ZNF891: variants seen among roughly 807,000 people sequenced by gnomAD.
ZNF891 encodes hCG1646157.
For missense variants in ZNF891, 589 were observed against 632.7 expected (o/e 0.93, Z 0.74); for synonymous variants, 199 against 209.0 (o/e 0.95, Z 0.41).
intron 1 of ZNF891, chr12:133,125,401 GC>G (rs1566338435): frequency 6.5e-6 from 1 of 153,504 alleles, no homozygotes; most frequent in African/African-American, 2.4e-5. Flanking sequence ...ATTCAGAGAT[GC>G]ATTCTGAAAT....
In ZNF891 at chr12:133,110,157, T is replaced by C. The variant is rs1031543156; in HGVS notation, c.*10127A>G. On this transcript the variant is annotated 3_prime_UTR_variant, in exon 2 of 2. Coordinates refer to ENST00000537226, the MANE Select transcript of ZNF891 (RefSeq NM_001277291.2). ...AGTTTGTCAACTCTGATATAAATAT[T>C]TACTTTCATAACAATATCTGGTGGA... 6.6e-6 allele frequency: 1 copy of C among 152,236 alleles called. No individual in the cohort carries two copies. The highest frequency in any genetic ancestry group is 1.5e-5 in the Non-Finnish European group (1 of 68,058). 9.4% of individuals were successfully genotyped at this position (152,236 alleles called of 1,614,324 possible).
intron 1 of ZNF891, among the ~76,000 whole-genome samples, chr12:133,123,812 A>T (rs931802808): frequency 1.3e-5 from 2 of 152,064 alleles, no homozygotes; most frequent in Non-Finnish European, 2.9e-5. Context: ...GTAGTAAAAG[A>T]TATTAAGAAT....
chr12:133,106,209 G>A lies in ZNF891; in HGVS notation c.*14075C>T, dbSNP rs151227084. ...TGCATTGAATGTGGGAAGGCATTTC[G>A]CCGTTTCTCACACCTTACTCGACAT... On this transcript the variant is annotated 3_prime_UTR_variant, in exon 2 of 2. Coordinates refer to ENST00000537226, the MANE Select transcript of ZNF891 (RefSeq NM_001277291.2). The A allele has an allele frequency of 8.7e-6, 14 of 1,614,146 alleles. No homozygotes were observed. Among genetic ancestry groups the A allele is most frequent in the South Asian group, 4.4e-5 (4 of 91,080 alleles).
In ZNF891 at chr12:133,109,492, T is replaced by TC; in HGVS notation, c.*10791_*10792insG. Reference sequence around the variant, plus strand: ...GACATATGGTTGAAGCCAGTTCACTTAAATATTCTCAAGTTCACTTAAATA... The same window carrying TC: ...GACATATGGTTGAAGCCAGTTCACTTCAAATATTCTCAAGTTCACTTAAATA... On this transcript the variant is annotated 3_prime_UTR_variant, in exon 2 of 2. Coordinates refer to ENST00000537226, the MANE Select transcript of ZNF891 (RefSeq NM_001277291.2). 1 of 150,194 alleles carries TC rather than the reference T, an allele frequency of 6.7e-6. No homozygotes were observed. The highest frequency in any genetic ancestry group is 2.1e-4 in the South Asian group (1 of 4,826). The allele number at this position is 150,194 out of a possible 1,614,324, so 9.3% of individuals were successfully genotyped here.
rs979051004 is a variant in ZNF891, at chr12:133,118,865, T to C, written c.*1419A>G. On this transcript the variant is annotated 3_prime_UTR_variant, in exon 2 of 2. Coordinates refer to ENST00000537226, the MANE Select transcript of ZNF891 (RefSeq NM_001277291.2). ...CCAACATAAAACATTTAACTGTATA[T>C]ACTTCTGTTTTTCTACAATATGGTG... 1 of 152,184 alleles carries C rather than the reference T, an allele frequency of 6.6e-6. No individual in the cohort carries two copies. Among genetic ancestry groups the C allele is most frequent in the Non-Finnish European group, 1.5e-5 (1 of 68,026 alleles). 9.4% of individuals were successfully genotyped at this position (152,184 alleles called of 1,614,324 possible). A position where few individuals can be genotyped will look rare whatever the true frequency, so the allele number is the denominator to read the frequency against.
rs765762134 is a variant in ZNF891 at position 133,106,044 on chromosome 12, G to T, written c.*14240C>A. 1.5e-5 allele frequency: 24 copies of T among 1,614,072 alleles called. No homozygotes were observed. Among genetic ancestry groups the T allele is most frequent in the Non-Finnish European group, 2.0e-5 (24 of 1,180,012 alleles). On this transcript the variant is annotated 3_prime_UTR_variant, in exon 2 of 2. Coordinates refer to ENST00000537226, the MANE Select transcript of ZNF891 (RefSeq NM_001277291.2). The stretch of plus-strand genomic sequence containing the variant: ...ACTGAGTGTGGAAAGGCCTTTAGCC[G>T]TGCCTCCAACCTCACTCGACATCAA...
rs769081358 is a variant in ZNF891, at chr12:133,119,995, C to T, written c.*289G>A. Reference sequence around the variant, plus strand: ...GGCCAGAAAACAACTTTTATAAAAACACCAACAAAGCAGTAAAATATAGTC... The same window carrying T: ...GGCCAGAAAACAACTTTTATAAAAATACCAACAAAGCAGTAAAATATAGTC... On this transcript the variant is annotated 3_prime_UTR_variant, in exon 2 of 2. Transcript: ENST00000537226. The T allele has an allele frequency of 2.1e-5, 5 of 238,452 alleles. No homozygotes were observed. Among genetic ancestry groups the T allele is most frequent in the African/African-American group, 9.0e-5 (4 of 44,312 alleles). 14.8% of individuals were successfully genotyped at this position (238,452 alleles called of 1,614,324 possible).
chr12:133,105,789 G>C lies in ZNF891; in HGVS notation c.*14495C>G. The stretch of plus-strand genomic sequence containing the variant: ...TGCCATGAATGTGGAAAAACTTTTG[G>C]TCGACGCTTTTCCCTGGTGTTACAC... On this transcript the variant is annotated 3_prime_UTR_variant, in exon 2 of 2. Coordinates refer to ENST00000537226, the MANE Select transcript of ZNF891 (RefSeq NM_001277291.2). The C allele has an allele frequency of 6.2e-7, 1 of 1,614,126 alleles. No homozygotes were observed. Among genetic ancestry groups the C allele is most frequent in the Non-Finnish European group, 8.5e-7 (1 of 1,180,026 alleles).
At chr12:133,122,157 C>T in intron 1 of ZNF891, 133 bp from the exon 2 acceptor site, 2 of 1,261,388 alleles carry the variant, frequency 1.6e-6, no homozygotes, top group Non-Finnish European at 2.0e-6. Context: ...AAAATCTTTA[C>T]TGGGATTTGT....
In ZNF891 at chr12:133,120,554, G is replaced by A. The variant is rs769530515; in HGVS notation, c.1365C>T (p.Thr455=). The A allele has an allele frequency of 1.5e-5, 23 of 1,560,918 alleles. No homozygotes were observed. The highest frequency in any genetic ancestry group is 1.2e-4 in the Admixed American group (6 of 52,064). The part of the protein sequence containing the change: ...SHLKVHKKIH[T]GENVYECSDC... ...CACTGCATTCATAAACATTCTCTCCGGTATGAATTTTCTTATGAACTTTAA... is the reference window on the plus strand; with the variant it reads ...CACTGCATTCATAAACATTCTCTCCAGTATGAATTTTCTTATGAACTTTAA... The change falls in exon 2 of 2, where the codon ACC becomes ACT. Residue 455 remains threonine (T), a synonymous_variant. Coordinates refer to ENST00000537226, the MANE Select transcript of ZNF891 (RefSeq NM_001277291.2).
chr12:133,129,769 A>G (rs1417756391), intron 1 of ZNF891, among the ~76,000 whole-genome samples: 2 of 152,190 alleles, frequency 1.3e-5, no homozygotes, highest in Non-Finnish European at 2.9e-5. Flanking sequence ...AATTGAATAC[A>G]CCAGAGTATT....
rs201600822 is a variant in ZNF891 at position 133,105,241 on chromosome 12, A to G, written c.*15043T>C. 5.3e-5 allele frequency among the ~76,000 whole-genome samples: 8 copies of G among 152,186 alleles called. No individual in the cohort carries two copies. The South Asian group carries it at 8.3e-4, about 16-fold the overall frequency. ...TGGTGGTGAAGAAGACTAGCAACCT[A>G]TCCTTCACAAATATTTCCTGATAGC... On this transcript the variant is annotated 3_prime_UTR_variant, in exon 2 of 2. Transcript: ENST00000537226.
chr12:133,113,327 A>C lies in ZNF891; in HGVS notation c.*6957T>G, dbSNP rs546198319. On this transcript the variant is annotated 3_prime_UTR_variant, in exon 2 of 2. Coordinates refer to ENST00000537226, the MANE Select transcript of ZNF891 (RefSeq NM_001277291.2). ...TCACTAAACTAGACATCTTAAAAAA[A>C]GACAAAAGAAAAAAATTATGACATA... 5 of 152,228 alleles carry C rather than the reference A, an allele frequency of 3.3e-5. No homozygotes were observed. In the East Asian group the frequency reaches 9.6e-4, roughly 29 times the overall value. 9.4% of individuals were successfully genotyped at this position (152,228 alleles called of 1,614,324 possible). A position where few individuals can be genotyped will look rare whatever the true frequency, so the allele number is the denominator to read the frequency against.
In ZNF891 at chr12:133,107,931, T is replaced by C. The variant is rs550229457; in HGVS notation, c.*12353A>G. The stretch of plus-strand genomic sequence containing the variant: ...CACATTTGTAGGAGGTGTTATTAGA[T>C]AAATATAAGTAATTTTGTAAGAGGT... On this transcript the variant is annotated 3_prime_UTR_variant, in exon 2 of 2. Coordinates refer to ENST00000537226, the MANE Select transcript of ZNF891 (RefSeq NM_001277291.2). 1 of 152,344 alleles carries C rather than the reference T, an allele frequency of 6.6e-6. No individual in the cohort carries two copies. Among genetic ancestry groups the C allele is most frequent in the Admixed American group, 6.5e-5 (1 of 15,302 alleles). 9.4% of individuals were successfully genotyped at this position (152,344 alleles called of 1,614,324 possible).
intron 1 of ZNF891, among the ~76,000 whole-genome samples, chr12:133,123,799 C>T (rs1216179490): frequency 2.0e-5 from 3 of 151,240 alleles, no homozygotes; most frequent in African/African-American, 7.3e-5. Flanking sequence ...ATCTGTTTGC[C>T]TTGTAGTAAA....
At position 133,121,330 on chromosome 12, in the gene ZNF891, T is replaced by C. The variant is rs540814484; in HGVS notation, c.589A>G (p.Asn197Asp). Reference sequence around the variant, plus strand: ...ATAAGTTTTGATCCAAGTTTAGAGTTTTCCTCTAATTCATGATAGTCACGG... The same window carrying C: ...ATAAGTTTTGATCCAAGTTTAGAGTCTTCCTCTAATTCATGATAGTCACGG... ...LFRDYHELEE[N>D]SKLGSKLIFS... is the part of the protein sequence containing the mutation. The change falls in exon 2 of 2, where the codon AAC becomes GAC. Residue 197 changes from asparagine to aspartate, a missense_variant. Transcript: ENST00000537226. The C allele has an allele frequency of 2.0e-6, 3 of 1,535,852 alleles. No homozygotes were observed. The highest frequency in any genetic ancestry group is 2.4e-5 in the South Asian group (2 of 84,054).
Position 133,125,215 on chromosome 12 carries a change from A to C in ZNF891, c.-106-3191T>G, listed in dbSNP as rs1955803649. 3.9e-5 allele frequency among the ~76,000 whole-genome samples: 6 copies of C among 152,248 alleles called. No individual in the cohort carries two copies. The South Asian group carries it at 1.2e-3, about 32-fold the overall frequency. ...AGGGTGTCACTATATTGGCCAGGCT[A>C]ACCTTGAAATCCTGGCTTAAGTGAT... is the stretch of plus-strand genomic sequence containing the variant. On this transcript the variant is annotated intron_variant, in intron 1 of 1. Transcript: ENST00000537226.
chr12:133,122,268 G>A, intron 1 of ZNF891: 6 of 1,000,832 alleles, frequency 6.0e-6, no homozygotes, highest in Non-Finnish European at 7.2e-6. Flanking sequence ...TGGGTGAATG[G>A]GGCATGAGTT....
chr12:133,120,257 A>C lies in ZNF891; in HGVS notation c.*27T>G. The C allele has an allele frequency of 6.7e-7, 1 of 1,493,276 alleles. No homozygotes were observed. The highest frequency in any genetic ancestry group is 1.3e-5 in the South Asian group (1 of 77,574). The allele number at this position is 1,493,276 out of a possible 1,614,324, so 92.5% of individuals were successfully genotyped here. ...GCTTGGAATCCACCTTAAGACAATG[A>C]AAACAGCAATTCCACATTCATAACA... is the stretch of plus-strand genomic sequence containing the variant. On this transcript the variant is annotated 3_prime_UTR_variant, in exon 2 of 2. Coordinates refer to ENST00000537226, the MANE Select transcript of ZNF891 (RefSeq NM_001277291.2).
Sources: gnomAD v4.1 joint callset for allele counts (sites outside exome capture counted in the v4.1 genomes callset) on GRCh38, gnomAD v4.1.1 for gene constraint, MANE v1.5 for transcripts, NCBI Gene and HGNC (gene_info 2026-07-23, HGNC 2026-07-21) for gene names.